The following NAALADL2 variants were observed in gnomAD, a reference collection of about 807,000 sequenced individuals.
NAALADL2 encodes the protein inactive N-acetylated-alpha-linked acidic dipeptidase-like protein 2.
Under a neutral mutation model 87.2 loss-of-function variants are expected in NAALADL2, and 76 were observed. The ratio of observed to expected loss-of-function variants is 0.87; its 90% CI spans 0.72 to 1.05. The LOEUF is 1.05. Among genes scored for constraint, NAALADL2 ranks in the 50% least tolerant of loss-of-function variants. The probability of loss-of-function intolerance (pLI) is 0.00; values close to 1 mark genes in which losing one functional copy is unlikely to be tolerated. For missense variants in NAALADL2, 1,089 were observed against 945.8 expected, an observed-to-expected ratio of 1.15 and a Z score of -1.99; for synonymous variants, 354 against 331.0, an observed-to-expected ratio of 1.07 and a Z score of -0.75.
intron 5 of NAALADL2, among the ~76,000 whole-genome samples, chr3:175,338,137 G>A (rs181911295): frequency 7.0e-4 from 107 of 152,232 alleles, no homozygotes; most frequent in African/African-American, 2.5e-3. Flanking sequence ...TTAGGAAGTC[G>A]TGGGAATCTG....
intron 6 of NAALADL2, among the ~76,000 whole-genome samples, chr3:175,456,512 A>G (rs1392966416): frequency 2.6e-5 from 4 of 152,032 alleles, no homozygotes; most frequent in Non-Finnish European, 2.9e-5. Context: ...CTGCCCCTAA[A>G]TGTTCTCCAG....
At chr3:175,336,041 T>C (rs1018783091) in intron 5 of NAALADL2, among the ~76,000 whole-genome samples, 1 of 152,134 alleles carries the variant, frequency 6.6e-6, no homozygotes, top group Non-Finnish European at 1.5e-5. Context: ...GTGACTTATA[T>C]ACGTGCATAC....
At chr3:175,286,451 G>A (rs899435818) in intron 4 of NAALADL2, among the ~76,000 whole-genome samples, 1 of 152,162 alleles carries the variant, frequency 6.6e-6, no homozygotes, top group Non-Finnish European at 1.5e-5. Context: ...CAGAAAGTGA[G>A]AAAGGATTTT....
At chr3:175,080,486 T>G (rs1310598059) in intron 1 of NAALADL2, among the ~76,000 whole-genome samples, 1 of 152,240 alleles carries the variant, frequency 6.6e-6, no homozygotes, top group Admixed American at 6.5e-5. Context: ...TCTTTATGAA[T>G]TATCTACTCT....
At chr3:175,540,555 C>T (rs887086807) in intron 9 of NAALADL2, among the ~76,000 whole-genome samples, 1 of 151,698 alleles carries the variant, frequency 6.6e-6, no homozygotes, top group East Asian at 1.9e-4. Flanking sequence ...TTTTAAAGGT[C>T]ATTGGTTGCT....
chr3:175,510,355 C>A (rs1730991304), intron 9 of NAALADL2, among the ~76,000 whole-genome samples: 2 of 152,008 alleles, frequency 1.3e-5, no homozygotes, highest in South Asian at 2.1e-4. Flanking sequence ...GAGACACAGC[C>A]AAATCATATC....
At chr3:175,364,826 C>T (rs892831983) in intron 5 of NAALADL2, among the ~76,000 whole-genome samples, 2 of 147,440 alleles carry the variant, frequency 1.4e-5, no homozygotes, top group African/African-American at 4.9e-5. Context: ...AAAATACATA[C>T]TCAAAAGACA....
chr3:174,611,323 A>C (rs1348363862), intron 2 of NAALADL2, among the ~76,000 whole-genome samples: 1 of 152,046 alleles, frequency 6.6e-6, no homozygotes, highest in Non-Finnish European at 1.5e-5. Flanking sequence ...AATAATAATA[A>C]AATAAAAATA....
At chr3:175,246,090 T>A (rs1384136401) in intron 3 of NAALADL2, among the ~76,000 whole-genome samples, 2 of 152,176 alleles carry the variant, frequency 1.3e-5, no homozygotes, top group East Asian at 3.8e-4. Context: ...GAAGCACCAA[T>A]ATAATTCTAA....
intron 1 of NAALADL2, among the ~76,000 whole-genome samples, chr3:174,498,096 G>T (rs1718656053): frequency 6.6e-6 from 1 of 151,956 alleles, no homozygotes; most frequent in African/African-American, 2.4e-5. Context: ...ATGAAGTTTT[G>T]ACATATGTTT....
chr3:175,119,860 GTGTGTA>G (rs1160717626), intron 2 of NAALADL2, among the ~76,000 whole-genome samples: 7 of 137,334 alleles, frequency 5.1e-5, no homozygotes, highest in East Asian at 2.1e-4. Context: ...GCTTATGTAA[GTGTGTA>G]TGTGTATGTG....
At chr3:175,482,075 T>A (rs910862983) in intron 9 of NAALADL2, among the ~76,000 whole-genome samples, 2 of 151,928 alleles carry the variant, frequency 1.3e-5, no homozygotes, top group African/African-American at 4.8e-5. Context: ...AAAAAAAATA[T>A]TAAAAGTTAT....
At chr3:174,658,481 T>G (rs533562620) in intron 2 of NAALADL2, among the ~76,000 whole-genome samples, 7 of 152,106 alleles carry the variant, frequency 4.6e-5, no homozygotes, top group Admixed American at 4.6e-4. Flanking sequence ...TATTATTGAG[T>G]TTTTAGAAAT....
At chr3:175,411,832 A>T (rs9879366) in intron 5 of NAALADL2, among the ~76,000 whole-genome samples, 117,919 of 151,852 alleles carry the variant, frequency 0.78, 45,987 homozygotes, top group East Asian at 0.85. Flanking sequence ...CAACAATGGG[A>T]GATCAACTCA....
At chr3:174,718,919 A>G (rs907242161) in intron 2 of NAALADL2, among the ~76,000 whole-genome samples, 2 of 152,228 alleles carry the variant, frequency 1.3e-5, no homozygotes, top group East Asian at 3.8e-4. Flanking sequence ...ATCATTGGAA[A>G]AAAAATGCAG....
intron 11 of NAALADL2, among the ~76,000 whole-genome samples, chr3:175,677,527 T>C (rs1582867302): frequency 1.3e-5 from 2 of 150,608 alleles, no homozygotes; most frequent in South Asian, 4.2e-4. Flanking sequence ...GTCTCGTTTA[T>C]AGTGGGGTCA....
At chr3:175,320,115 T>C (rs1385543361) in intron 4 of NAALADL2, among the ~76,000 whole-genome samples, 1 of 152,232 alleles carries the variant, frequency 6.6e-6, no homozygotes, top group Non-Finnish European at 1.5e-5. Flanking sequence ...ATTATCTTTA[T>C]GTTCTCTAAT....
intron 4 of NAALADL2, among the ~76,000 whole-genome samples, chr3:175,301,643 C>T (rs926471237): frequency 1.3e-5 from 2 of 152,070 alleles, no homozygotes; most frequent in African/African-American, 4.8e-5. Flanking sequence ...TACTGAAATA[C>T]AGAATTTTGG....
chr3:175,691,687 G>A (rs1582906719), intron 11 of NAALADL2, among the ~76,000 whole-genome samples: 2 of 152,058 alleles, frequency 1.3e-5, no homozygotes, highest in African/African-American at 4.8e-5. Context: ...AGATTTTGGT[G>A]TGAATGGCTT....
Sources: gnomAD v4.1 joint callset for allele counts (sites outside exome capture counted in the v4.1 genomes callset) on GRCh38, gnomAD v4.1.1 for gene constraint, MANE v1.5 for transcripts, NCBI Gene and HGNC (gene_info 2026-07-23, HGNC 2026-07-21) for gene names.